Variants in MAML3 observed in about 807,000 individuals in gnomAD.
MAML3 encodes mastermind-like protein 3.
MAML3 carries 27 observed loss-of-function variants against 101.9 expected under a neutral mutation model. The ratio of observed to expected loss-of-function variants is 0.27; its 90% CI spans 0.20 to 0.37. The LOEUF is 0.37. Ranked by LOEUF, MAML3 falls within the 10% of genes least tolerant of loss-of-function variation. The pLI is 1.00. For synonymous variants in MAML3, 501 were observed against 555.9 expected (o/e 0.90, Z 1.39); for missense variants, 1,316 against 1,444.9 (o/e 0.91, Z 1.45).
intron 1 of MAML3, among the ~76,000 whole-genome samples, chr4:140,067,020 G>A (rs781525990): frequency 1.1e-4 from 16 of 152,082 alleles, no homozygotes; most frequent in Non-Finnish European, 1.9e-4. Context: ...ACGAGCAACC[G>A]CAACAATAAT....
At chr4:139,842,762 CTTTTTTTTTTTTTTTT>C (rs71584337) in intron 2 of MAML3, among the ~76,000 whole-genome samples, 13 of 30,964 alleles carry the variant, frequency 4.2e-4, no homozygotes, top group Admixed American at 2.6e-3. Context: ...ATCCGCTTGC[CTTTTTTTTTTTTTTTT>C]TTTTTTTTTT....
rs564292966 is a variant in MAML3, at chr4:139,765,147, T to G, written c.2080-34480A>C. On this transcript the variant is annotated intron_variant, in intron 2 of 4. Transcript: ENST00000509479. Reference sequence around the variant, plus strand: ...TGCCACTGACTGAAGGGATTATTATTTATTTTCTTTGGTTCTCATCTCCTT... The same window carrying G: ...TGCCACTGACTGAAGGGATTATTATGTATTTTCTTTGGTTCTCATCTCCTT... Among the ~76,000 whole-genome samples, 7 of 152,358 alleles carry G rather than the reference T, an allele frequency of 4.6e-5. No individual in the cohort carries two copies. The South Asian group carries it at 1.2e-3, about 27-fold the overall frequency.
At chr4:139,843,738 A>G (rs1731399310) in intron 2 of MAML3, among the ~76,000 whole-genome samples, 1 of 152,190 alleles carries the variant, frequency 6.6e-6, no homozygotes, top group Non-Finnish European at 1.5e-5. Flanking sequence ...TTTAATAACC[A>G]AATTATTACT....
At chr4:139,846,903 T>C (rs993323885) in intron 2 of MAML3, among the ~76,000 whole-genome samples, 5 of 152,206 alleles carry the variant, frequency 3.3e-5, no homozygotes, top group African/African-American at 9.6e-5. Flanking sequence ...AATTCTTTGA[T>C]AGCACAAAGG....
At chr4:139,915,561 C>T (rs572156680) in intron 1 of MAML3, among the ~76,000 whole-genome samples, 6 of 152,278 alleles carry the variant, frequency 3.9e-5, no homozygotes, top group African/African-American at 9.6e-5. Flanking sequence ...CAGAAATGTC[C>T]GTGTAGGCTA....
intron 1 of MAML3, among the ~76,000 whole-genome samples, chr4:140,103,483 CT>C (rs1305694915): frequency 6.6e-6 from 1 of 152,150 alleles, no homozygotes; most frequent in Non-Finnish European, 1.5e-5. Flanking sequence ...TGGAACTCTT[CT>C]ATTGTTGTTG....
intron 1 of MAML3, among the ~76,000 whole-genome samples, chr4:140,071,346 A>G (rs1727648376): frequency 6.6e-6 from 1 of 152,158 alleles, no homozygotes; most frequent in Non-Finnish European, 1.5e-5. Flanking sequence ...AAGGAAATGG[A>G]TCTCCAGAAG....
Position 139,720,269 on chromosome 4 carries a change from C to T in MAML3, c.2471G>A (p.Arg824Gln), listed in dbSNP as rs747076119. The change falls in exon 5 of 5, where the codon CGA becomes CAA. Residue 824 changes from arginine to glutamine, a missense_variant. Coordinates refer to ENST00000509479, the MANE Select transcript of MAML3 (RefSeq NM_018717.5). ...VRSQAALQSM[R>Q]TSRLMAQNAG... ...GTTCTGTGCCATCAGCCGTGACGTTCGCATGCTCTGGAGGGCTGCTTGGCT... is the reference window on the plus strand; with the variant it reads ...GTTCTGTGCCATCAGCCGTGACGTTTGCATGCTCTGGAGGGCTGCTTGGCT... 32 of 1,587,058 alleles carry T rather than the reference C, an allele frequency of 2.0e-5. No homozygotes were observed. Among genetic ancestry groups the T allele is most frequent in the East Asian group, 9.0e-5 (4 of 44,622 alleles).
intron 1 of MAML3, among the ~76,000 whole-genome samples, chr4:139,900,399 C>T (rs1371151427): frequency 1.3e-5 from 2 of 152,198 alleles, no homozygotes; most frequent in African/African-American, 4.8e-5. Flanking sequence ...TGCACAACAA[C>T]ATATTGGGAA....
chr4:139,741,718 G>A (rs1043675004), intron 2 of MAML3, among the ~76,000 whole-genome samples: 18 of 152,248 alleles, frequency 1.2e-4, no homozygotes, highest in African/African-American at 4.3e-4. Flanking sequence ...CTGCACTCCA[G>A]CTTGGGTGAC....
intron 1 of MAML3, among the ~76,000 whole-genome samples, chr4:140,123,098 T>C (rs892322471): frequency 6.6e-6 from 1 of 151,602 alleles, no homozygotes; most frequent in Non-Finnish European, 1.5e-5. Context: ...TGCGGTTTTT[T>C]TTTTTTTTTT....
chr4:139,739,959 A>G (rs1169230762), intron 2 of MAML3, among the ~76,000 whole-genome samples: 1 of 152,176 alleles, frequency 6.6e-6, no homozygotes, highest in East Asian at 1.9e-4. Flanking sequence ...TTTCTCCCTG[A>G]GCCCACCTTA....
intron 1 of MAML3, among the ~76,000 whole-genome samples, chr4:139,980,896 G>T (rs1734432127): frequency 6.6e-6 from 1 of 152,188 alleles, no homozygotes; most frequent in African/African-American, 2.4e-5. Context: ...GAATTGTGTA[G>T]CCAGAGAATA....
At chr4:139,978,697 G>A (rs1169431402) in intron 1 of MAML3, among the ~76,000 whole-genome samples, 1 of 151,574 alleles carries the variant, frequency 6.6e-6, no homozygotes, top group Non-Finnish European at 1.5e-5. Flanking sequence ...TCTGGGCCCT[G>A]GCAGGTTATC....
intron 1 of MAML3, among the ~76,000 whole-genome samples, chr4:140,104,142 T>C (rs1250300424): frequency 6.6e-6 from 1 of 151,032 alleles, no homozygotes; most frequent in African/African-American, 2.4e-5. Flanking sequence ...TCCAGCACTT[T>C]GGGAGGCCAA....
At chr4:140,028,516 G>A (rs1188671005) in intron 1 of MAML3, among the ~76,000 whole-genome samples, 1 of 151,824 alleles carries the variant, frequency 6.6e-6, no homozygotes, top group Non-Finnish European at 1.5e-5. Flanking sequence ...CATATTTTGA[G>A]GAATTCATTA....
At chr4:139,932,392 A>G (rs1733419338) in intron 1 of MAML3, among the ~76,000 whole-genome samples, 1 of 152,196 alleles carries the variant, frequency 6.6e-6, no homozygotes, top group South Asian at 2.1e-4. Context: ...CAGTACCTCA[A>G]ACTAAGGTTA....
At chr4:139,816,174 G>GT (rs1310481919) in intron 2 of MAML3, among the ~76,000 whole-genome samples, 3 of 152,158 alleles carry the variant, frequency 2.0e-5, no homozygotes, top group Admixed American at 2.0e-4. Flanking sequence ...GTCAACAGCA[G>GT]TGACAAGACA....
At chr4:140,022,072 G>A (rs1057342817) in intron 1 of MAML3, among the ~76,000 whole-genome samples, 10 of 152,168 alleles carry the variant, frequency 6.6e-5, no homozygotes, top group Non-Finnish European at 1.3e-4. Flanking sequence ...TACTCTAGAC[G>A]GTGCCACAGC....
Sources: gnomAD v4.1 joint callset for allele counts (sites outside exome capture counted in the v4.1 genomes callset) on GRCh38, gnomAD v4.1.1 for gene constraint, MANE v1.5 for transcripts, NCBI Gene and HGNC (gene_info 2026-07-23, HGNC 2026-07-21) for gene names.